CCSER1: variants seen among roughly 807,000 people sequenced by gnomAD.
CCSER1 encodes the protein coiled-coil serine rich protein 1.
Under a neutral mutation model 82.0 loss-of-function variants are expected in CCSER1, and 41 were observed. That is an observed-to-expected ratio of 0.50 (90% CI 0.39 to 0.65). The LOEUF is 0.65. Among genes scored for constraint, CCSER1 ranks in the 30% least tolerant of loss-of-function variants. The pLI, the probability that CCSER1 is intolerant of heterozygous loss-of-function variation, is 0.00. For synonymous variants in CCSER1, 414 were observed against 383.9 expected, an observed-to-expected ratio of 1.08 and a Z score of -0.92; for missense variants, 1,119 against 1,064.2, an observed-to-expected ratio of 1.05 and a Z score of -0.72.
At chr4:91,075,190 T>C (rs78179852) in intron 9 of CCSER1, among the ~76,000 whole-genome samples, 1 of 151,594 alleles carries the variant, frequency 6.6e-6, no homozygotes, top group South Asian at 2.1e-4. Context: ...TTTTTTTTTT[T>C]CCAGTTAATA....
In CCSER1 at chr4:91,587,095, A is replaced by G. The variant is rs188552558; in HGVS notation, c.2218-11477A>G. 3.0e-4 allele frequency among the ~76,000 whole-genome samples: 45 copies of G among 151,808 alleles called. No homozygotes were observed. In the East Asian group the frequency reaches 8.4e-3, roughly 28 times the overall value. On this transcript the variant is annotated intron_variant, in intron 10 of 10. Transcript: ENST00000509176. ...CTCAGATACCTCTTCTCTCACAGTT[A>G]TTTGTGGGAAATTGCCCAGTATACT...
chr4:90,431,450 G>T (rs1294470309), intron 4 of CCSER1, among the ~76,000 whole-genome samples: 1 of 151,998 alleles, frequency 6.6e-6, no homozygotes, highest in African/African-American at 2.4e-5. Context: ...TCTTAGTGTG[G>T]GGAAAGTCTC....
chr4:91,228,430 A>T (rs1009027132), intron 10 of CCSER1, among the ~76,000 whole-genome samples: 5 of 152,008 alleles, frequency 3.3e-5, no homozygotes, highest in Non-Finnish European at 5.9e-5. Flanking sequence ...TTATACCAAC[A>T]TTAAATTTTA....
intron 4 of CCSER1, among the ~76,000 whole-genome samples, chr4:90,449,088 C>G (rs749928284): frequency 6.6e-5 from 10 of 152,142 alleles, no homozygotes; most frequent in Non-Finnish European, 1.2e-4. Context: ...GTGGATAGCT[C>G]CTCTCCACAG....
At chr4:91,566,079 A>G (rs935789775) in intron 10 of CCSER1, among the ~76,000 whole-genome samples, 3 of 152,036 alleles carry the variant, frequency 2.0e-5, no homozygotes, top group Non-Finnish European at 4.4e-5. Flanking sequence ...TACCTAGTTT[A>G]CTGAGAGTTT....
intron 1 of CCSER1, among the ~76,000 whole-genome samples, chr4:90,214,299 A>G (rs1026919507): frequency 2.0e-5 from 3 of 152,110 alleles, no homozygotes; most frequent in African/African-American, 4.8e-5. Flanking sequence ...AAATGCTTCT[A>G]TGTTTTCAGT....
chr4:90,695,553 C>A (rs917352878), intron 6 of CCSER1, among the ~76,000 whole-genome samples: 3 of 151,956 alleles, frequency 2.0e-5, no homozygotes, highest in African/African-American at 2.4e-5. Flanking sequence ...TGGAACTAAT[C>A]CTCTTATTTA....
chr4:91,093,594 G>C (rs112275869), intron 10 of CCSER1, among the ~76,000 whole-genome samples: 5 of 152,194 alleles, frequency 3.3e-5, no homozygotes, highest in African/African-American at 1.2e-4. Flanking sequence ...GCTCTCAGAC[G>C]TGGAGGCCAG....
At chr4:91,561,147 G>T (rs1762634773) in intron 10 of CCSER1, among the ~76,000 whole-genome samples, 1 of 151,328 alleles carries the variant, frequency 6.6e-6, no homozygotes, top group African/African-American at 2.4e-5. Flanking sequence ...AGCCAAAATT[G>T]TGTTCTCAAA....
intron 10 of CCSER1, among the ~76,000 whole-genome samples, chr4:91,406,426 T>G (rs1257310322): frequency 6.6e-6 from 1 of 152,222 alleles, no homozygotes. Flanking sequence ...GGATTCAATG[T>G]GGTTCTTTAT....
chr4:91,534,724 CTT>C (rs1761211399), intron 10 of CCSER1, among the ~76,000 whole-genome samples: 1 of 151,816 alleles, frequency 6.6e-6, no homozygotes, highest in South Asian at 2.1e-4. Context: ...TGACATATCT[CTT>C]TAAATTTTAA....
At chr4:91,019,319 A>G (rs988473538) in intron 9 of CCSER1, among the ~76,000 whole-genome samples, 2 of 152,050 alleles carry the variant, frequency 1.3e-5, no homozygotes, top group South Asian at 2.1e-4. Flanking sequence ...TTCAAATCTT[A>G]TATCCATGGG....
chr4:91,026,005 A>C (rs548701060), intron 9 of CCSER1, among the ~76,000 whole-genome samples: 1 of 152,244 alleles, frequency 6.6e-6, no homozygotes, highest in Non-Finnish European at 1.5e-5. Flanking sequence ...GTTTCAGTGC[A>C]CTGTGCTTGT....
chr4:90,356,147 G>A (rs1744340080), intron 3 of CCSER1, among the ~76,000 whole-genome samples: 1 of 151,730 alleles, frequency 6.6e-6, no homozygotes, highest in Non-Finnish European at 1.5e-5. Context: ...TTAATAGTTT[G>A]CCCAACTTAC....
At chr4:90,740,128 A>C (rs1580240972) in intron 7 of CCSER1, among the ~76,000 whole-genome samples, 1 of 152,226 alleles carries the variant, frequency 6.6e-6, no homozygotes, top group East Asian at 1.9e-4. Flanking sequence ...CACCATATTT[A>C]AATTAACTTC....
chr4:90,468,497 A>G lies in CCSER1; in HGVS notation c.1724+143A>G. ...TGGGTTAAAAAATCATCTATTCTAT[A>G]TTATCTTAATGAATTAACTTCTGTG... On this transcript the variant is annotated intron_variant, in intron 5 of 10. Coordinates refer to ENST00000509176, the MANE Select transcript of CCSER1 (RefSeq NM_001145065.2). 3.0e-6 allele frequency: 2 copies of G among 657,626 alleles called. 1 individual carries two copies. Among genetic ancestry groups the G allele is most frequent in the South Asian group, 6.3e-5 (2 of 31,816 alleles). 40.7% of individuals were successfully genotyped at this position (657,626 alleles called of 1,614,324 possible).
chr4:90,454,509 G>A (rs1286509335), intron 4 of CCSER1, among the ~76,000 whole-genome samples: 1 of 152,120 alleles, frequency 6.6e-6, no homozygotes, highest in African/African-American at 2.4e-5. Flanking sequence ...GTTTAGCTTG[G>A]AGTAATTAAG....
At position 90,904,223 on chromosome 4, in the gene CCSER1, T is replaced by A. The variant is rs530115604; in HGVS notation, c.2095-19147T>A. ...ATCAAAAGACCATGGGGATGACTCA[T>A]CAAACAGGACTGAGAGCCAGTGCCA... On this transcript the variant is annotated intron_variant, in intron 8 of 10. Transcript: ENST00000509176. Among the ~76,000 whole-genome samples the A allele has an allele frequency of 3.3e-5, 5 of 152,240 alleles. No homozygotes were observed. The South Asian group carries it at 8.3e-4, about 25-fold the overall frequency.
intron 9 of CCSER1, among the ~76,000 whole-genome samples, chr4:90,974,868 G>A (rs1442292262): frequency 6.6e-6 from 1 of 151,292 alleles, no homozygotes; most frequent in Non-Finnish European, 1.5e-5. Flanking sequence ...ACACTTCAGT[G>A]TATACCCAAT....
Sources: gnomAD v4.1 joint callset for allele counts (sites outside exome capture counted in the v4.1 genomes callset) on GRCh38, gnomAD v4.1.1 for gene constraint, MANE v1.5 for transcripts, NCBI Gene and HGNC (gene_info 2026-07-23, HGNC 2026-07-21) for gene names.